The following RSPRY1 variants were observed in gnomAD, a reference collection of about 807,000 sequenced individuals.
The protein encoded by RSPRY1 is ring finger and SPRY domain containing 1, also known as RING finger and SPRY domain-containing protein 1.
A neutral mutation model predicts 73.1 loss-of-function variants in RSPRY1; 23 were observed. That is an observed-to-expected ratio of 0.31 (90% CI 0.23 to 0.45). The LOEUF (loss-of-function observed/expected upper bound fraction) is 0.45, where lower values mean the gene tolerates loss of function less well. Among genes scored for constraint, RSPRY1 ranks in the 20% least tolerant of loss-of-function variants. The pLI, the probability that RSPRY1 is intolerant of heterozygous loss-of-function variation, is 1.00. For missense variants in RSPRY1, 448 were observed against 698.7 expected (o/e 0.64, Z 4.05); for synonymous variants, 226 against 251.4 (o/e 0.90, Z 0.95).
chr16:57,225,735 C>T (rs1359154799), intron 10 of RSPRY1, among the ~76,000 whole-genome samples: 1 of 152,204 alleles, frequency 6.6e-6, no homozygotes, highest in Non-Finnish European at 1.5e-5. Context: ...ATCTCAGCCA[C>T]CCTTTTATTT....
intron 14 of RSPRY1, among the ~76,000 whole-genome samples, chr16:57,238,406 A>C (rs923655054): frequency 6.6e-6 from 1 of 152,250 alleles, no homozygotes. Context: ...AATAAATGTT[A>C]ATAGTTTGGT....
chr16:57,212,069 T>C (rs1343400597), intron 4 of RSPRY1, among the ~76,000 whole-genome samples: 1 of 152,156 alleles, frequency 6.6e-6, no homozygotes, highest in Non-Finnish European at 1.5e-5. Flanking sequence ...CCCAAAACTT[T>C]TGGGGGCTGA....
At chr16:57,202,694 T>C (rs892786027) in intron 1 of RSPRY1, among the ~76,000 whole-genome samples, 25 of 152,096 alleles carry the variant, frequency 1.6e-4, no homozygotes, top group Non-Finnish European at 2.2e-4. Context: ...CCGAGTGGTT[T>C]GGGGGAACCA....
At chr16:57,223,031 T>A (rs1214035466) in intron 10 of RSPRY1, among the ~76,000 whole-genome samples, 1 of 152,190 alleles carries the variant, frequency 6.6e-6, no homozygotes, top group Non-Finnish European at 1.5e-5. Flanking sequence ...AGGCTGTTGG[T>A]TTCTTTAAAA....
chr16:57,215,671 A>T (rs1474351831), intron 6 of RSPRY1, among the ~76,000 whole-genome samples: 3 of 152,244 alleles, frequency 2.0e-5, no homozygotes, highest in African/African-American at 7.2e-5. Flanking sequence ...TTAATTATTT[A>T]TAATTTTGCA....
At position 57,209,165 on chromosome 16, in the gene RSPRY1, A is replaced by G; in HGVS notation, c.494A>G (p.Asp165Gly). Residue 165 changes from aspartate to glycine, a missense_variant, in exon 4 of 15, where the codon GAT (aspartate) becomes GGT (glycine). By Grantham distance (94) the Asp-to-Gly change is moderately conservative (BLOSUM62 -1). Coordinates refer to ENST00000394420, the MANE Select transcript of RSPRY1 (RefSeq NM_133368.3). ...CCAGCTGTTATAACATTGTTACTAG[A>G]TGAATGTCCATTGCCCACTAAAGTA... Reference protein sequence around the residue: ...LGPAVITLLLDECPLPTKDAL... With the variant: ...LGPAVITLLLGECPLPTKDAL... 1 of 1,607,928 alleles carries G rather than the reference A, an allele frequency of 6.2e-7. No individual in the cohort carries two copies. Among genetic ancestry groups the G allele is most frequent in the Non-Finnish European group, 8.5e-7 (1 of 1,174,978 alleles).
intron 14 of RSPRY1, among the ~76,000 whole-genome samples, chr16:57,238,060 G>A (rs1342333339): frequency 6.6e-6 from 1 of 151,848 alleles, no homozygotes; most frequent in Non-Finnish European, 1.5e-5. Context: ...CAGCCAGTTA[G>A]AACATATAAT....
chr16:57,204,011 C>CT (rs1295884000), intron 1 of RSPRY1, among the ~76,000 whole-genome samples: 2 of 151,974 alleles, frequency 1.3e-5, no homozygotes, highest in African/African-American at 4.8e-5. Flanking sequence ...TGTATCATAA[C>CT]TTTTTTTTAA....
chr16:57,218,224 A>G (rs1323804468), intron 8 of RSPRY1, among the ~76,000 whole-genome samples: 1 of 152,246 alleles, frequency 6.6e-6, no homozygotes, highest in East Asian at 1.9e-4. Flanking sequence ...ATTTTGATAC[A>G]GTCATACAAT....
In RSPRY1 at chr16:57,206,124, C is replaced by T. The variant is rs561545008; in HGVS notation, c.350+1116C>T. ...TCTTCGAGAAGAATAATTTTTTGGC[C>T]AGACACAATGGCTCATACCTGTAAT... On this transcript the variant is annotated intron_variant, in intron 2 of 14. Transcript: ENST00000394420. 2.0e-5 allele frequency among the ~76,000 whole-genome samples: 3 copies of T among 152,044 alleles called. No individual in the cohort carries two copies. The South Asian group carries it at 6.2e-4, about 31-fold the overall frequency.
At chr16:57,197,160 C>T (rs550627513) in intron 1 of RSPRY1, among the ~76,000 whole-genome samples, 2 of 152,174 alleles carry the variant, frequency 1.3e-5, no homozygotes, top group Non-Finnish European at 2.9e-5. Flanking sequence ...AAAAAATTGT[C>T]TAAAGTGTAA....
chr16:57,231,543 A>AC (rs1450099103), intron 13 of RSPRY1, among the ~76,000 whole-genome samples: 12 of 152,254 alleles, frequency 7.9e-5, no homozygotes, highest in Non-Finnish European at 1.6e-4. Context: ...AGGTGGTTTC[A>AC]CAGGGGATCT....
At chr16:57,208,926 C>G (rs1293632072) in intron 3 of RSPRY1, 149 bp from the exon 4 acceptor site, 1 of 567,210 alleles carries the variant, frequency 1.8e-6, no homozygotes, top group East Asian at 3.0e-5. Context: ...CGATGACTAG[C>G]AATTGATGAT....
chr16:57,214,534 TG>T lies in RSPRY1; in HGVS notation c.702+589del, dbSNP rs148426740. Reference sequence around the variant, plus strand: ...ATTGGCCCTTTTCAAAACTCTGGTCTGAAAACCCTTATTTGTCAATACCCAC... The same window carrying T: ...ATTGGCCCTTTTCAAAACTCTGGTCTAAAACCCTTATTTGTCAATACCCAC... On this transcript the variant is annotated intron_variant, in intron 6 of 14. Coordinates refer to ENST00000394420, the MANE Select transcript of RSPRY1 (RefSeq NM_133368.3). Among the ~76,000 whole-genome samples the T allele has an allele frequency of 8.6e-3, 1,307 of 152,350 alleles. 16 individuals are homozygous for T. Among genetic ancestry groups the T allele is most frequent in the African/African-American group, 0.03 (1,249 of 41,578 alleles).
At chr16:57,215,179 G>T (rs1313409646) in intron 6 of RSPRY1, among the ~76,000 whole-genome samples, 1 of 152,140 alleles carries the variant, frequency 6.6e-6, no homozygotes, top group Non-Finnish European at 1.5e-5. Context: ...GAAAAAATTG[G>T]TTTCTTAGCT....
At chr16:57,232,256 G>A (rs1315851801) in intron 13 of RSPRY1, among the ~76,000 whole-genome samples, 1 of 152,084 alleles carries the variant, frequency 6.6e-6, no homozygotes, top group Non-Finnish European at 1.5e-5. Flanking sequence ...AGTGCTCTGG[G>A]CTGTGCTTCA....
intron 6 of RSPRY1, 124 bp from the exon 7 acceptor site, chr16:57,215,983 A>G (rs577060010): frequency 5.7e-6 from 4 of 699,040 alleles, no homozygotes; most frequent in East Asian, 2.7e-5. Context: ...TGAATGAATG[A>G]AACTTTTCTG....
rs2075344969 is a variant in RSPRY1, at chr16:57,239,194, G to A, written c.*219G>A. On this transcript the variant is annotated 3_prime_UTR_variant, in exon 15 of 15. Coordinates refer to ENST00000394420, the MANE Select transcript of RSPRY1 (RefSeq NM_133368.3). ...AAAATCCCTTTTAAGGCCAAGGAAA[G>A]CTGAATGCTAGCAGCCAGGCCTGTG... is the stretch of plus-strand genomic sequence containing the variant. 3.4e-6 allele frequency: 1 copy of A among 297,196 alleles called. No homozygotes were observed. Among genetic ancestry groups the A allele is most frequent in the Non-Finnish European group, 6.3e-6 (1 of 159,128 alleles). 18.4% of individuals were successfully genotyped at this position (297,196 alleles called of 1,614,324 possible). A position where few individuals can be genotyped will look rare whatever the true frequency, so the allele number is the denominator to read the frequency against.
chr16:57,216,403 CA>C, intron 7 of RSPRY1: 2 of 481,234 alleles, frequency 4.2e-6, no homozygotes, highest in Non-Finnish European at 7.3e-6. Context: ...TTTTTATAGC[CA>C]AAAATTTAGT....
Sources: allele counts gnomAD v4.1 joint callset (sites outside exome capture counted in the v4.1 genomes callset), GRCh38; gene constraint gnomAD v4.1.1; transcripts MANE v1.5; gene names NCBI Gene and HGNC (gene_info 2026-07-23, HGNC 2026-07-21).